The following HEMK2 variants were observed in gnomAD, a reference collection of about 807,000 sequenced individuals.
HEMK2 encodes HemK methyltransferase 2, ETF1 glutamine and histone H4 lysine.
chr21:28,841,190 AAT>A, the HEMK2 span, among the ~76,000 whole-genome samples: 16 of 21,442 alleles, frequency 7.5e-4, 1 homozygote, highest in Admixed American at 1.0e-3. Flanking sequence ...TATATATTAT[AAT>A]ATATATATTA....
the HEMK2 span, among the ~76,000 whole-genome samples, chr21:28,839,351 G>A: frequency 2.0e-5 from 3 of 151,982 alleles, no homozygotes; most frequent in African/African-American, 7.3e-5. Flanking sequence ...CTTCAACATA[G>A]TACTGGATGT....
chr21:28,827,324 C>G, the HEMK2 span, among the ~76,000 whole-genome samples: 1 of 152,194 alleles, frequency 6.6e-6, no homozygotes, highest in Non-Finnish European at 1.5e-5. Flanking sequence ...AACTAACTGT[C>G]TTTGATACCA....
the HEMK2 span, among the ~76,000 whole-genome samples, chr21:28,603,754 A>T: frequency 1.3e-5 from 2 of 152,174 alleles, no homozygotes; most frequent in African/African-American, 4.8e-5. Flanking sequence ...TCACTCCCAC[A>T]ATGTGTTTAG....
chr21:28,616,919 T>C, the HEMK2 span, among the ~76,000 whole-genome samples: 2 of 152,166 alleles, frequency 1.3e-5, no homozygotes, highest in African/African-American at 4.8e-5. Context: ...TAAGAAACCA[T>C]CAGGTACCAA....
chr21:28,717,297 T>C, the HEMK2 span, among the ~76,000 whole-genome samples: 1 of 152,116 alleles, frequency 6.6e-6, no homozygotes, highest in Non-Finnish European at 1.5e-5. Context: ...TCAGAGCTCA[T>C]TACTGGTATT....
At chr21:28,877,058 G>A in the HEMK2 span, among the ~76,000 whole-genome samples, 855 of 25,930 alleles carry the variant, frequency 0.033, 26 homozygotes, top group Non-Finnish European at 0.041. Flanking sequence ...GAGGGAGGGA[G>A]GGAAGGAGGG....
the HEMK2 span, among the ~76,000 whole-genome samples, chr21:28,654,065 A>C: frequency 6.6e-6 from 1 of 152,286 alleles, no homozygotes; most frequent in East Asian, 1.9e-4. Flanking sequence ...TGATGTGACA[A>C]TTGTCAAATG....
the HEMK2 span, among the ~76,000 whole-genome samples, chr21:28,803,125 T>G: frequency 1.3e-5 from 2 of 152,184 alleles, no homozygotes; most frequent in Non-Finnish European, 2.9e-5. Flanking sequence ...AGAATACTAA[T>G]GTCATTCCCA....
chr21:28,723,852 A>T, the HEMK2 span, among the ~76,000 whole-genome samples: 1 of 152,234 alleles, frequency 6.6e-6, no homozygotes, highest in African/African-American at 2.4e-5. Context: ...ATACGCAGCC[A>T]GCACTGCCTT....
chr21:28,779,988 T>A, the HEMK2 span, among the ~76,000 whole-genome samples: 1 of 152,116 alleles, frequency 6.6e-6, no homozygotes, highest in East Asian at 1.9e-4. Context: ...TGCCAACCCA[T>A]CATCTGTGTC....
the HEMK2 span, among the ~76,000 whole-genome samples, chr21:28,863,525 T>C: frequency 4.8e-5 from 7 of 146,386 alleles, no homozygotes; most frequent in African/African-American, 1.7e-4. Context: ...TCCGTTTTAC[T>C]GTATTCTACT....
chr21:28,579,177 T>A, the HEMK2 span, among the ~76,000 whole-genome samples: 1 of 152,210 alleles, frequency 6.6e-6, no homozygotes, highest in Admixed American at 6.5e-5. Context: ...ATTCTGTTGG[T>A]AGAAATATTC....
At chr21:28,770,869 G>T in the HEMK2 span, among the ~76,000 whole-genome samples, 6 of 152,094 alleles carry the variant, frequency 3.9e-5, no homozygotes, top group Admixed American at 2.0e-4. Context: ...TGAGCACCTA[G>T]ATCAGACTCC....
the HEMK2 span, among the ~76,000 whole-genome samples, chr21:28,767,012 T>C: frequency 6.6e-6 from 1 of 152,018 alleles, no homozygotes; most frequent in African/African-American, 2.4e-5. Flanking sequence ...TGAATTTCAA[T>C]GTGTTGTGGG....
chr21:28,741,193 T>C, the HEMK2 span, among the ~76,000 whole-genome samples: 1 of 152,154 alleles, frequency 6.6e-6, no homozygotes, highest in Non-Finnish European at 1.5e-5. Context: ...GCCAACATCA[T>C]GATTAGACCC....
At chr21:28,719,157 A>G in the HEMK2 span, among the ~76,000 whole-genome samples, 1 of 151,924 alleles carries the variant, frequency 6.6e-6, no homozygotes, top group Non-Finnish European at 1.5e-5. Context: ...CCCCTGTGGG[A>G]GCATTGCAAT....
chr21:28,703,362 G>C, the HEMK2 span, among the ~76,000 whole-genome samples: 3 of 151,968 alleles, frequency 2.0e-5, no homozygotes, highest in South Asian at 6.2e-4. Flanking sequence ...CTGTAGGATC[G>C]CTGGCTGGAC....
the HEMK2 span, among the ~76,000 whole-genome samples, chr21:28,856,341 G>A: frequency 6.6e-6 from 1 of 152,032 alleles, no homozygotes; most frequent in Non-Finnish European, 1.5e-5. Context: ...TTTCAACCTG[G>A]GAGGTGGAGG....
the HEMK2 span, among the ~76,000 whole-genome samples, chr21:28,742,546 G>C: frequency 5.3e-5 from 8 of 152,098 alleles, no homozygotes; most frequent in African/African-American, 1.9e-4. Context: ...TTCAAGGGGA[G>C]GTTACTGACT....
Sources: allele counts gnomAD v4.1 joint callset (sites outside exome capture counted in the v4.1 genomes callset), GRCh38; gene constraint gnomAD v4.1.1; transcripts MANE v1.5; gene names NCBI Gene and HGNC (gene_info 2026-07-23, HGNC 2026-07-21).